Variants in CEP112 observed in about 807,000 individuals in gnomAD.
CEP112 encodes the protein centrosomal protein 112, also known as centrosomal protein of 112 kDa.
Under a neutral mutation model 153.0 loss-of-function variants are expected in CEP112, and 127 were observed. The ratio of observed to expected loss-of-function variants is 0.83; its 90% CI spans 0.72 to 0.96. The LOEUF (loss-of-function observed/expected upper bound fraction) is 0.96, where lower values mean the gene tolerates loss of function less well. Among genes scored for constraint, CEP112 ranks in the 40% least tolerant of loss-of-function variants. The pLI, the probability that CEP112 is intolerant of heterozygous loss-of-function variation, is 0.00. For synonymous variants in CEP112, 358 were observed against 374.4 expected (o/e 0.96, Z 0.51); for missense variants, 1,089 against 1,101.2 (o/e 0.99, Z 0.16).
chr17:65,722,977 C>G (rs1298294596), intron 23 of CEP112, among the ~76,000 whole-genome samples: 2 of 152,188 alleles, frequency 1.3e-5, no homozygotes, highest in African/African-American at 4.8e-5. Flanking sequence ...CATTGTCTAG[C>G]TGGGAGGGAT....
chr17:65,678,849 C>T (rs2047362668), intron 24 of CEP112, among the ~76,000 whole-genome samples: 1 of 152,200 alleles, frequency 6.6e-6, no homozygotes, highest in African/African-American at 2.4e-5. Flanking sequence ...TTCTCTCCTC[C>T]CGCAGCACAC....
At chr17:65,647,662 C>CT (rs2045518187) in intron 24 of CEP112, among the ~76,000 whole-genome samples, 1 of 146,352 alleles carries the variant, frequency 6.8e-6, no homozygotes, top group Non-Finnish European at 1.5e-5. Flanking sequence ...TTTTTTTTCC[C>CT]CATATGGATA....
intron 6 of CEP112, among the ~76,000 whole-genome samples, chr17:66,111,439 C>T (rs1355418248): frequency 2.0e-5 from 3 of 152,158 alleles, no homozygotes; most frequent in Admixed American, 2.0e-4. Context: ...ATAGCAAAGA[C>T]ATCGAATCAA....
At position 65,961,345 on chromosome 17, in the gene CEP112, G is replaced by A. The variant is rs1364171342; in HGVS notation, c.1872+118C>T. 6 of 983,702 alleles carry A rather than the reference G, an allele frequency of 6.1e-6. No homozygotes were observed. In the East Asian group the frequency reaches 7.6e-5, roughly 12 times the overall value. 60.9% of individuals were successfully genotyped at this position (983,702 alleles called of 1,614,324 possible). ...TTCTGAATCTCTGACCCGATTGTAT[G>A]GCTAATTTTGATACAGCTCTTTTAA... is the stretch of plus-strand genomic sequence containing the variant. On this transcript the variant is annotated intron_variant, in intron 18 of 26. Coordinates refer to ENST00000535342, the MANE Select transcript of CEP112 (RefSeq NM_001199165.4).
chr17:65,828,840 T>C (rs886956950), intron 21 of CEP112, among the ~76,000 whole-genome samples: 4 of 152,188 alleles, frequency 2.6e-5, no homozygotes, highest in East Asian at 1.9e-4. Context: ...TTTAGTTTTT[T>C]ACAATATTCA....
rs112757094 is a variant in CEP112, at chr17:65,660,928, C to T, written c.2698-19863G>A. ...CTCCAGCTGATTCTCCACACTGTTG[C>T]ATGTTTCTCTAAAATGCAGATCTGA... On this transcript the variant is annotated intron_variant, in intron 24 of 26. Transcript: ENST00000535342. Among the ~76,000 whole-genome samples the T allele has an allele frequency of 5.8e-3, 889 of 152,268 alleles. 6 individuals carry two copies. Among genetic ancestry groups the T allele is most frequent in the African/African-American group, 0.02 (815 of 41,540 alleles).
intron 24 of CEP112, among the ~76,000 whole-genome samples, chr17:65,646,208 G>A (rs543093554): frequency 1.3e-5 from 2 of 152,242 alleles, no homozygotes; most frequent in Admixed American, 6.5e-5. Context: ...TTCAAATTCA[G>A]AAGTTATATT....
intron 16 of CEP112, among the ~76,000 whole-genome samples, chr17:66,024,842 G>A (rs11079624): frequency 0.93 from 140,942 of 152,170 alleles, 65,504 homozygotes; most frequent in East Asian, 0.97. Context: ...AGCCAAAGCA[G>A]TCCAAAGCAA....
intron 20 of CEP112, among the ~76,000 whole-genome samples, chr17:65,876,141 T>A (rs915238538): frequency 6.6e-6 from 1 of 152,214 alleles, no homozygotes; most frequent in African/African-American, 2.4e-5. Flanking sequence ...ACAGCTATAC[T>A]GTGCAACTTT....
intron 20 of CEP112, among the ~76,000 whole-genome samples, chr17:65,858,785 A>C (rs981360717): frequency 1.3e-5 from 2 of 152,148 alleles, no homozygotes; most frequent in South Asian, 4.1e-4. Flanking sequence ...TACTATTTTC[A>C]TTATCAATTA....
chr17:65,984,897 G>A (rs575778047), intron 17 of CEP112, among the ~76,000 whole-genome samples: 4 of 152,046 alleles, frequency 2.6e-5, no homozygotes, highest in Non-Finnish European at 5.9e-5. Flanking sequence ...GAGGGATGAC[G>A]AAAACCAAAA....
At chr17:65,978,747 C>CA (rs2063123772) in intron 17 of CEP112, among the ~76,000 whole-genome samples, 1 of 152,170 alleles carries the variant, frequency 6.6e-6, no homozygotes, top group Non-Finnish European at 1.5e-5. Flanking sequence ...TTTGCAAACT[C>CA]AATTCCTAAG....
chr17:65,736,263 C>T (rs1026600233), intron 23 of CEP112, among the ~76,000 whole-genome samples: 53 of 152,076 alleles, frequency 3.5e-4, no homozygotes, highest in African/African-American at 1.2e-3. Context: ...ATCTGACTTC[C>T]GTGAGTAGGT....
rs575814873 is a variant in CEP112, at chr17:66,116,899, G to A, written c.642+12847C>T. Reference sequence around the variant, plus strand: ...TTTTTTTTTTCTGAGACGGAGTCTCGCTCTGTTGCCAGGCTGGGAAACAGT... The same window carrying A: ...TTTTTTTTTTCTGAGACGGAGTCTCACTCTGTTGCCAGGCTGGGAAACAGT... On this transcript the variant is annotated intron_variant, in intron 6 of 26. Transcript: ENST00000535342. Among the ~76,000 whole-genome samples, 139 of 126,754 alleles carry A rather than the reference G, an allele frequency of 1.1e-3. 2 individuals carry two copies. The highest frequency in any genetic ancestry group is 9.8e-3 in the South Asian group (39 of 3,974). The allele number at this position is 126,754 out of a possible 152,430, so 83.2% of individuals were successfully genotyped here. A position where few individuals can be genotyped will look rare whatever the true frequency, so the allele number is the denominator to read the frequency against.
At chr17:65,685,601 A>G (rs1208588165) in intron 24 of CEP112, among the ~76,000 whole-genome samples, 1 of 151,788 alleles carries the variant, frequency 6.6e-6, no homozygotes. Flanking sequence ...CAATCTCAAC[A>G]TTTTAGATAT....
intron 21 of CEP112, among the ~76,000 whole-genome samples, chr17:65,837,301 C>A (rs926291002): frequency 1.3e-5 from 2 of 151,824 alleles, no homozygotes; most frequent in African/African-American, 4.8e-5. Flanking sequence ...GCCCGGCCGC[C>A]CAGTCTGGAA....
In CEP112 at chr17:65,866,617, C is replaced by A. The variant is rs561158994; in HGVS notation, c.2164-14583G>T. On this transcript the variant is annotated intron_variant, in intron 20 of 26. Coordinates refer to ENST00000535342, the MANE Select transcript of CEP112 (RefSeq NM_001199165.4). ...ACCAATCACAGGCACTTCCTCCCCT[C>A]TGAGGCCCATAAAAAGCCCCGGACC... Among the ~76,000 whole-genome samples the A allele has an allele frequency of 5.3e-5, 8 of 152,306 alleles. No individual in the cohort carries two copies. The East Asian group carries it at 1.5e-3, about 29-fold the overall frequency.
intron 21 of CEP112, among the ~76,000 whole-genome samples, chr17:65,756,505 T>C (rs2052291673): frequency 6.7e-6 from 1 of 148,500 alleles, no homozygotes. Context: ...TTGTGTCAAA[T>C]GCTACAGAGA....
chr17:65,746,165 C>CAAA (rs56361589), intron 22 of CEP112, among the ~76,000 whole-genome samples: 3,900 of 49,052 alleles, frequency 0.08, 333 homozygotes, highest in African/African-American at 0.22. Context: ...AACTCCATCT[C>CAAA]AAAAAAAAAA....
Sources: allele counts gnomAD v4.1 joint callset (sites outside exome capture counted in the v4.1 genomes callset), GRCh38; gene constraint gnomAD v4.1.1; transcripts MANE v1.5; gene names NCBI Gene and HGNC (gene_info 2026-07-23, HGNC 2026-07-21).